Variants in ABCA1 observed in about 807,000 individuals in gnomAD.
The protein encoded by ABCA1 is phospholipid-transporting ATPase ABCA1.
Under a neutral mutation model 262.5 loss-of-function variants are expected in ABCA1, and 133 were observed. The observed-to-expected ratio is 0.51, with a 90% CI of 0.44 to 0.59. ABCA1 has a LOEUF of 0.59. ABCA1 is among the 20% of genes least tolerant of loss of function. ABCA1 has a pLI of 0.00. For missense variants in ABCA1, 2,452 were observed against 2,777.5 expected (o/e 0.88, Z 2.63); for synonymous variants, 1,022 against 1,043.5 (o/e 0.98, Z 0.40).
chr9:104,906,750 CA>C (rs35167860), intron 1 of ABCA1, among the ~76,000 whole-genome samples: 6,827 of 82,930 alleles, frequency 0.082, 198 homozygotes, highest in African/African-American at 0.13. Flanking sequence ...AAACCAAAAT[CA>C]AAAAAAAAAA....
chr9:104,883,859 C>T (rs2119174722), intron 4 of ABCA1, among the ~76,000 whole-genome samples: 1 of 152,266 alleles, frequency 6.6e-6, no homozygotes, highest in Non-Finnish European at 1.5e-5. Flanking sequence ...CTTATTATGC[C>T]CATACTTATG....
At chr9:104,799,453 A>G in intron 36 of ABCA1, 3 of 960,340 alleles carry the variant, frequency 3.1e-6, no homozygotes, top group Non-Finnish European at 3.7e-6. Context: ...TTTAGGAATT[A>G]AAGATACAAG....
chr9:104,814,211 G>A lies in ABCA1; in HGVS notation c.3808C>T (p.Arg1270Ter), dbSNP rs575627531. 6.8e-6 allele frequency: 11 copies of A among 1,614,206 alleles called. No individual in the cohort carries two copies. Among genetic ancestry groups the A allele is most frequent in the African/African-American group, 1.3e-5 (1 of 75,046 alleles). The change falls in exon 27 of 50, where the codon CGA becomes TGA. Residue 1270 changes from arginine to a stop codon, truncating the protein, a stop_gained. Transcript: ENST00000374736. LOFTEE classifies it high-confidence loss of function. ...ETSDGTLPARRNRRAFGDKQS... is the reference protein window; with the variant it reads ...ETSDGTLPAR ...TTGTCCCCGAAGGCCCGCCTGTTTC[G>A]TCTTGCTGGCAAGGTACCATCTGAA...
At chr9:104,806,127 A>G (rs1009362812) in intron 31 of ABCA1, 114 bp downstream of exon 31, 1 of 1,192,426 alleles carries the variant, frequency 8.4e-7, no homozygotes, top group Admixed American at 2.3e-5. Context: ...AAAAAACAAA[A>G]AAGACTGAAA....
At chr9:104,792,664 G>A in intron 42 of ABCA1, 122 bp downstream of exon 42, 1 of 1,226,638 alleles carries the variant, frequency 8.2e-7, no homozygotes, top group South Asian at 1.3e-5. Context: ...ACAGAACCTT[G>A]GTATAGATGT....
At chr9:104,833,861 A>G (rs1833564394) in intron 11 of ABCA1, among the ~76,000 whole-genome samples, 1 of 152,212 alleles carries the variant, frequency 6.6e-6, no homozygotes, top group Non-Finnish European at 1.5e-5. Context: ...AGGACAGATC[A>G]ATCCGCTGCT....
At chr9:104,865,340 A>AC (rs1296321823) in intron 5 of ABCA1, among the ~76,000 whole-genome samples, 1 of 151,976 alleles carries the variant, frequency 6.6e-6, no homozygotes, top group Non-Finnish European at 1.5e-5. Flanking sequence ...GCCTGGTGAA[A>AC]CCCAGTCTCT....
intron 1 of ABCA1, among the ~76,000 whole-genome samples, chr9:104,917,788 T>C (rs1459331095): frequency 1.3e-5 from 2 of 152,146 alleles, no homozygotes; most frequent in African/African-American, 4.8e-5. Flanking sequence ...TTTAGTCTTC[T>C]TTTTGACACC....
In ABCA1 at chr9:104,794,487, G is replaced by A. The variant is rs141980942; in HGVS notation, c.5406C>T (p.Ile1802=). The part of the protein sequence containing the change: ...TDNKLNNIND[I]LKSVFLIFPH... ...GGAAGATCAAGAACACGGACTTCAG[G>A]ATATCATTGATATTATTCAGCTTCT... Residue 1802 remains isoleucine, a synonymous_variant, in exon 40 of 50, where the codon ATC becomes ATT. Coordinates refer to ENST00000374736, the MANE Select transcript of ABCA1 (RefSeq NM_005502.4). 3.5e-4 allele frequency: 396 copies of A among 1,145,966 alleles called. No individual in the cohort carries two copies. The highest frequency in any genetic ancestry group is 4.8e-4 in the Non-Finnish European group (376 of 788,434). The allele number at this position is 1,145,966 out of a possible 1,614,324, so 71.0% of individuals were successfully genotyped here. A position where few individuals can be genotyped will look rare whatever the true frequency, so the allele number is the denominator to read the frequency against.
At chr9:104,845,125 T>C (rs1002067740) in intron 8 of ABCA1, among the ~76,000 whole-genome samples, 2 of 152,222 alleles carry the variant, frequency 1.3e-5, no homozygotes, top group African/African-American at 2.4e-5. Flanking sequence ...AGAAGCAATA[T>C]GGAGAAATTG....
intron 5 of ABCA1, among the ~76,000 whole-genome samples, chr9:104,882,057 A>AAAAAAAAAAAAAAAAAAAAAAAAAT (rs1838725778): frequency 7.3e-6 from 1 of 137,144 alleles, no homozygotes; most frequent in Non-Finnish European, 1.6e-5. Context: ...AAAAAAAAAA[A>AAAAAAAAAAAAAAAAAAAAAAAAAT]CTCAAATCTG....
chr9:104,883,190 T>C lies in ABCA1; in HGVS notation c.303-33A>G, dbSNP rs1257674767. The C allele has an allele frequency of 1.9e-6, 3 of 1,564,848 alleles. No individual in the cohort carries two copies. The South Asian group carries it at 3.3e-5, about 17-fold the overall frequency. On this transcript the variant is annotated intron_variant, in intron 4 of 49. Transcript: ENST00000374736. ...GGGTGCAAGAAAAGGCGAAAGGCTTTAGCTAGGCCAACTGCCTCTGCTGCT... is the reference window on the plus strand; with the variant it reads ...GGGTGCAAGAAAAGGCGAAAGGCTTCAGCTAGGCCAACTGCCTCTGCTGCT...
intron 5 of ABCA1, among the ~76,000 whole-genome samples, chr9:104,862,680 GGGCCGGGCCGGGCCGGGCC>G (rs1209414739): frequency 3.7e-4 from 1 of 2,682 alleles, no homozygotes; most frequent in Non-Finnish European, 9.6e-4. Context: ...GGGCCGGGCC[GGGCCGGGCCGGGCCGGGCC>G]GGCCCCCACC....
chr9:104,889,783 A>G (rs1564256032), intron 2 of ABCA1, among the ~76,000 whole-genome samples: 1 of 152,210 alleles, frequency 6.6e-6, no homozygotes, highest in Non-Finnish European at 1.5e-5. Flanking sequence ...GGGGCAGAGA[A>G]GAGGGCTCTC....
chr9:104,816,283 T>C lies in ABCA1; in HGVS notation c.3598A>G (p.Ile1200Val), dbSNP rs767420476. Residue 1200 changes from isoleucine (I) to valine (V), a missense_variant, in exon 25 of 50, where the codon ATA becomes GTA. Ile to Val is a conservative substitution (Grantham distance 29). Around this residue, in one of 4 missense-constraint regions of ABCA1, gnomAD observed 665 missense variants for 727.3 expected, o/e 0.91. Transcript: ENST00000374736. Reference sequence around the variant, plus strand: ...AGCACATAGGTCAGCTCATGCCCTATGTCTTCCACCAGCCGGGCTTCAGAC... The same window carrying C: ...AGCACATAGGTCAGCTCATGCCCTACGTCTTCCACCAGCCGGGCTTCAGAC... ...HVSEARLVED[I>V]GHELTYVLPY... The C allele has an allele frequency of 6.8e-6, 11 of 1,614,012 alleles. No homozygotes were observed. Among genetic ancestry groups the C allele is most frequent in the African/African-American group, 1.3e-5 (1 of 74,904 alleles).
chr9:104,871,210 C>A (rs537454575), intron 5 of ABCA1, among the ~76,000 whole-genome samples: 1 of 152,154 alleles, frequency 6.6e-6, no homozygotes, highest in African/African-American at 2.4e-5. Flanking sequence ...ATCTTAGAAG[C>A]AGAGAGCAGC....
At chr9:104,841,175 C>A (rs1834330684) in intron 8 of ABCA1, among the ~76,000 whole-genome samples, 1 of 152,116 alleles carries the variant, frequency 6.6e-6, no homozygotes, top group African/African-American at 2.4e-5. Context: ...GTGGCTCACA[C>A]CTGTAATCCC....
intron 5 of ABCA1, among the ~76,000 whole-genome samples, chr9:104,862,664 C>T (rs1457767865): frequency 1.6e-3 from 11 of 7,070 alleles, no homozygotes; most frequent in Non-Finnish European, 3.5e-3. Flanking sequence ...CGGGCCGGGC[C>T]GGGCCGGGCC....
chr9:104,815,695 T>C (rs770814691), intron 25 of ABCA1, among the ~76,000 whole-genome samples: 1 of 152,236 alleles, frequency 6.6e-6, no homozygotes, highest in African/African-American at 2.4e-5. Context: ...GAGAATCCAG[T>C]TGATACCTGG....
Sources: allele counts gnomAD v4.1 joint callset (sites outside exome capture counted in the v4.1 genomes callset), GRCh38; gene constraint gnomAD v4.1.1; regional missense constraint gnomAD v4.1.1; transcripts MANE v1.5; gene names NCBI Gene and HGNC (gene_info 2026-07-23, HGNC 2026-07-21).